The following TRPC4AP variants were observed in gnomAD, a reference collection of about 807,000 sequenced individuals.
TRPC4AP encodes transient receptor potential cation channel subfamily C member 4 associated protein.
Under a neutral mutation model 99.0 loss-of-function variants are expected in TRPC4AP, and 45 were observed. That is an observed-to-expected ratio of 0.45 (90% CI 0.36 to 0.58). The LOEUF is 0.58. Among genes scored for constraint, TRPC4AP ranks in the 20% least tolerant of loss-of-function variants. The pLI, the probability that TRPC4AP is intolerant of heterozygous loss-of-function variation, is 0.00. For synonymous variants in TRPC4AP, 408 were observed against 385.8 expected (o/e 1.06, Z -0.67); for missense variants, 879 against 985.3 (o/e 0.89, Z 1.44).
Position 35,009,890 on chromosome 20 carries a change from A to T in TRPC4AP, c.1511+297T>A, listed in dbSNP as rs73095147. Among the ~76,000 whole-genome samples, 947 of 152,320 alleles carry T rather than the reference A, an allele frequency of 6.2e-3. 5 individuals carry two copies. The highest frequency in any genetic ancestry group is 0.014 in the Middle Eastern group (4 of 294). Reference sequence around the variant, plus strand: ...TAAGCAAAGGGGCTGAATGCACGAGACAAGGCGGTGGGGCAGTGCGGAGCA... The same window carrying T: ...TAAGCAAAGGGGCTGAATGCACGAGTCAAGGCGGTGGGGCAGTGCGGAGCA... On this transcript the variant is annotated intron_variant, in intron 12 of 18. Transcript: ENST00000252015.
chr20:35,060,478 C>A (rs2083970172), intron 3 of TRPC4AP, among the ~76,000 whole-genome samples: 2 of 149,770 alleles, frequency 1.3e-5, no homozygotes. Flanking sequence ...GTAGTCCCAG[C>A]TACTCAGGAG....
chr20:35,021,484 T>A, intron 8 of TRPC4AP, 128 bp from the exon 9 acceptor site: 1 of 1,071,900 alleles, frequency 9.3e-7, no homozygotes, highest in East Asian at 2.6e-5. Flanking sequence ...AAACACAGAC[T>A]CTGAAAGCTG....
intron 2 of TRPC4AP, among the ~76,000 whole-genome samples, chr20:35,070,985 C>T (rs2084297063): frequency 6.6e-6 from 1 of 152,152 alleles, no homozygotes; most frequent in Non-Finnish European, 1.5e-5. Flanking sequence ...TAATTTCCCT[C>T]CCCTTTAACT....
At chr20:35,077,872 T>C (rs545554721) in intron 2 of TRPC4AP, among the ~76,000 whole-genome samples, 174 bp downstream of exon 2, 49 of 152,162 alleles carry the variant, frequency 3.2e-4, no homozygotes, top group Non-Finnish European at 6.6e-4. Flanking sequence ...GATGGGATTA[T>C]AGGTGATGTA....
At chr20:35,008,795 G>GGC (rs753262943) in intron 12 of TRPC4AP, 48 bp from the exon 13 acceptor site, 2 of 1,561,286 alleles carry the variant, frequency 1.3e-6, no homozygotes, top group African/African-American at 1.4e-5. Context: ...GGCTGACAGG[G>GGC]GCCCTGGGGA....
chr20:35,032,614 A>C (rs1023328476), intron 8 of TRPC4AP, among the ~76,000 whole-genome samples: 9 of 151,556 alleles, frequency 5.9e-5, no homozygotes, highest in African/African-American at 2.2e-4. Context: ...CTGGGACTAC[A>C]GGCGCCTGCC....
chr20:35,014,538 A>G (rs2082708739), intron 10 of TRPC4AP, among the ~76,000 whole-genome samples: 1 of 152,196 alleles, frequency 6.6e-6, no homozygotes, highest in African/African-American at 2.4e-5. Context: ...ACCTTAAGAA[A>G]GTATTTTAAA....
rs965323873 is a variant in TRPC4AP at position 35,055,125 on chromosome 20, C to A, written c.473-94G>T. 15 of 1,089,432 alleles carry A rather than the reference C, an allele frequency of 1.4e-5. No homozygotes were observed. In the Admixed American group the frequency reaches 2.4e-4, roughly 18 times the overall value. The allele number at this position is 1,089,432 out of a possible 1,614,324, so 67.5% of individuals were successfully genotyped here. A position where few individuals can be genotyped will look rare whatever the true frequency, so the allele number is the denominator to read the frequency against. On this transcript the variant is annotated intron_variant, in intron 4 of 18. Transcript: ENST00000252015. ...TTTTCAGCATAAGAACTGTTATAAT[C>A]CCCTCCAAGATGATTATTTTTCCTT...
At chr20:35,012,271 T>C (rs2082655924) in intron 11 of TRPC4AP, among the ~76,000 whole-genome samples, 1 of 152,264 alleles carries the variant, frequency 6.6e-6, no homozygotes, top group Admixed American at 6.5e-5. Flanking sequence ...GCAAGGTTTT[T>C]AAAATATTTA....
At chr20:35,026,674 T>C (rs1330803271) in intron 8 of TRPC4AP, among the ~76,000 whole-genome samples, 1 of 152,222 alleles carries the variant, frequency 6.6e-6, no homozygotes, top group African/African-American at 2.4e-5. Context: ...ACTATCATTA[T>C]CTTAACAATA....
chr20:35,020,431 C>A (rs2082858369), intron 9 of TRPC4AP, among the ~76,000 whole-genome samples: 1 of 152,110 alleles, frequency 6.6e-6, no homozygotes, highest in South Asian at 2.1e-4. Context: ...CAACTATGCA[C>A]ACTCCTCCCC....
At chr20:35,024,854 A>AAAACAAAAAAACAT (rs1479270980) in intron 8 of TRPC4AP, among the ~76,000 whole-genome samples, 1 of 89,480 alleles carries the variant, frequency 1.1e-5, no homozygotes, top group African/African-American at 3.9e-5. Flanking sequence ...AAAAAAAAAA[A>AAAACAAAAAAACAT]ATTCTGTTTA....
At chr20:35,087,801 C>G (rs569828260) in intron 1 of TRPC4AP, among the ~76,000 whole-genome samples, 3 of 152,214 alleles carry the variant, frequency 2.0e-5, no homozygotes, top group Non-Finnish European at 4.4e-5. Context: ...GAGGGCAGAA[C>G]AAAACGAAGG....
chr20:35,055,127 C>A, intron 4 of TRPC4AP, 96 bp from the exon 5 acceptor site: 1 of 1,038,438 alleles, frequency 9.6e-7, no homozygotes. Flanking sequence ...GTTATAATCC[C>A]CTCCAAGATG....
chr20:35,043,635 T>A (rs1381125316), intron 7 of TRPC4AP, among the ~76,000 whole-genome samples: 1 of 152,202 alleles, frequency 6.6e-6, no homozygotes, highest in Non-Finnish European at 1.5e-5. Context: ...AAACCCTATA[T>A]ATACTATGTT....
chr20:35,068,527 C>T (rs1328662412), intron 3 of TRPC4AP, among the ~76,000 whole-genome samples: 2 of 151,980 alleles, frequency 1.3e-5, no homozygotes, highest in Non-Finnish European at 2.9e-5. Context: ...CACCAGGAAA[C>T]ACTAACCATT....
intron 9 of TRPC4AP, among the ~76,000 whole-genome samples, chr20:35,016,488 T>G (rs754054402): frequency 6.6e-6 from 1 of 152,214 alleles, no homozygotes; most frequent in African/African-American, 2.4e-5. Context: ...TGTGCAAACT[T>G]TGTAACCTTA....
chr20:35,081,226 G>A (rs542527732), intron 1 of TRPC4AP, among the ~76,000 whole-genome samples: 3 of 152,166 alleles, frequency 2.0e-5, no homozygotes, highest in East Asian at 1.9e-4. Context: ...TAAAAACAAA[G>A]TTTGGGCCGG....
At position 35,012,947 on chromosome 20, in the gene TRPC4AP, A is replaced by G. The variant is rs138768181; in HGVS notation, c.1409+61T>C. The G allele has an allele frequency of 2.4e-4, 370 of 1,561,538 alleles. 3 individuals carry two copies. In the African/African-American group the frequency reaches 4.2e-3, roughly 18 times the overall value. On this transcript the variant is annotated intron_variant, in intron 11 of 18. Coordinates refer to ENST00000252015, the MANE Select transcript of TRPC4AP (RefSeq NM_015638.3). The stretch of plus-strand genomic sequence containing the variant: ...AGCTGAGGTCAGGGACCAGACAAGG[A>G]GATCGAGGCCTTCCGAAGACAGCCC...
Sources: allele counts gnomAD v4.1 joint callset (sites outside exome capture counted in the v4.1 genomes callset), GRCh38; gene constraint gnomAD v4.1.1; transcripts MANE v1.5; gene names NCBI Gene and HGNC (gene_info 2026-07-23, HGNC 2026-07-21).